Variants in CAMTA1 observed in about 807,000 individuals in gnomAD.
CAMTA1 encodes the protein calmodulin binding transcription activator 1, also known as calmodulin-binding transcription activator 1.
A neutral mutation model predicts 170.9 loss-of-function variants in CAMTA1; 27 were observed. The ratio of observed to expected loss-of-function variants is 0.16; its 90% CI spans 0.12 to 0.22. The LOEUF (loss-of-function observed/expected upper bound fraction) is 0.22, where lower values mean the gene tolerates loss of function less well. Among genes scored for constraint, CAMTA1 ranks in the 10% least tolerant of loss-of-function variants. CAMTA1 has a pLI of 1.00. For missense variants in CAMTA1, 1,619 were observed against 2,217.2 expected (o/e 0.73, Z 5.42); for synonymous variants, 833 against 891.5 (o/e 0.93, Z 1.17).
chr1:7,539,753 G>A (rs930317805), intron 6 of CAMTA1, among the ~76,000 whole-genome samples: 3 of 152,242 alleles, frequency 2.0e-5, no homozygotes, highest in Non-Finnish European at 4.4e-5. Flanking sequence ...GGAATGATGA[G>A]GGCAGACATA....
chr1:6,816,544 G>A (rs1645837412), intron 1 of CAMTA1, among the ~76,000 whole-genome samples: 1 of 152,232 alleles, frequency 6.6e-6, no homozygotes, highest in African/African-American at 2.4e-5. Context: ...TGAAGGGTGA[G>A]GGGTCTGAGT....
At chr1:6,917,685 G>A (rs183631072) in intron 3 of CAMTA1, among the ~76,000 whole-genome samples, 1 of 152,080 alleles carries the variant, frequency 6.6e-6, no homozygotes. Context: ...GTGCGGCTTT[G>A]CAGTAGGATT....
intron 3 of CAMTA1, among the ~76,000 whole-genome samples, chr1:6,979,740 G>A (rs970932599): frequency 5.3e-5 from 8 of 152,170 alleles, no homozygotes; most frequent in South Asian, 2.1e-4. Context: ...TGGTGGTGGT[G>A]TAGCTGGGGG....
chr1:7,597,525 T>C (rs1202092231), intron 6 of CAMTA1, among the ~76,000 whole-genome samples: 2 of 152,160 alleles, frequency 1.3e-5, no homozygotes, highest in Admixed American at 6.5e-5. Flanking sequence ...GGGTGGGAAC[T>C]GTATTAGTCA....
In CAMTA1 at chr1:7,748,314, C is replaced by T. The variant is rs192139062; in HGVS notation, c.4689+533C>T. Among the ~76,000 whole-genome samples, 1 of 152,268 alleles carries T rather than the reference C, an allele frequency of 6.6e-6. No homozygotes were observed. The highest frequency in any genetic ancestry group is 1.5e-5 in the Non-Finnish European group (1 of 68,012). ...ACATGATGGCGTGTGCCTGTAATCC[C>T]AGCTCCTCAAGAGGCTGAGGCCGGA... On this transcript the variant is annotated intron_variant, in intron 19 of 22. Transcript: ENST00000303635. The surrounding 1 kb of genome is among the most constrained non-coding windows in gnomAD (Gnocchi z 4.7).
chr1:7,362,572 G>A (rs939259578), intron 5 of CAMTA1, among the ~76,000 whole-genome samples: 1 of 152,090 alleles, frequency 6.6e-6, no homozygotes, highest in Non-Finnish European at 1.5e-5. Context: ...GACTTGGGTA[G>A]TGGTGGTGGC....
At chr1:7,391,490 C>G (rs184080880) in intron 5 of CAMTA1, among the ~76,000 whole-genome samples, 1 of 152,258 alleles carries the variant, frequency 6.6e-6, no homozygotes, top group East Asian at 1.9e-4. Context: ...TGGTGTCCCG[C>G]ACTTCTGGAG....
intron 6 of CAMTA1, among the ~76,000 whole-genome samples, chr1:7,497,911 C>T (rs2093856876): frequency 6.6e-6 from 1 of 152,176 alleles, no homozygotes; most frequent in African/African-American, 2.4e-5. Flanking sequence ...CCACCCACAA[C>T]CCAGGCAGGA....
At chr1:7,543,433 A>G (rs762635860) in intron 6 of CAMTA1, among the ~76,000 whole-genome samples, 4 of 152,196 alleles carry the variant, frequency 2.6e-5, no homozygotes, top group African/African-American at 7.2e-5. Context: ...GACATGAAAT[A>G]TCTCGCTTTT....
chr1:7,681,591 A>G lies in CAMTA1; in HGVS notation c.2914+3858A>G, dbSNP rs1374153138. ...AGGCCAGCTCTTCATACAAAGATGC[A>G]AGGGGGACCTCTTCCAGGCTAGAGG... On this transcript the variant is annotated intron_variant, in intron 11 of 22. Coordinates refer to ENST00000303635, the MANE Select transcript of CAMTA1 (RefSeq NM_015215.4). The surrounding 1 kb of genome is among the most constrained non-coding windows in gnomAD (Gnocchi z 4.6). Among the ~76,000 whole-genome samples, 3 of 152,208 alleles carry G rather than the reference A, an allele frequency of 2.0e-5. No individual in the cohort carries two copies. In the East Asian group the frequency reaches 5.8e-4, roughly 29 times the overall value.
rs530840982 is a variant in CAMTA1, at chr1:7,519,525, G to GT, written c.510+51626dup. ...CAGGCTTTGTGGTTCTTCCTCCAGTGTTCCTCAGCCAGGGACCTTCCTTGG... is the reference window on the plus strand; with the variant it reads ...CAGGCTTTGTGGTTCTTCCTCCAGTGTTTCCTCAGCCAGGGACCTTCCTTGG... On this transcript the variant is annotated intron_variant, in intron 6 of 22. Coordinates refer to ENST00000303635, the MANE Select transcript of CAMTA1 (RefSeq NM_015215.4). Among the ~76,000 whole-genome samples, 88 of 152,000 alleles carry GT rather than the reference G, an allele frequency of 5.8e-4. 2 individuals carry two copies. The South Asian group carries it at 0.018, about 31-fold the overall frequency.
intron 11 of CAMTA1, among the ~76,000 whole-genome samples, chr1:7,726,847 G>A (rs1005044500): frequency 6.6e-6 from 1 of 152,202 alleles, no homozygotes; most frequent in African/African-American, 2.4e-5. Context: ...CTTTCTTTGC[G>A]GGGACCTCTG....
At chr1:7,368,646 T>C (rs72865621) in intron 5 of CAMTA1, among the ~76,000 whole-genome samples, 1 of 152,174 alleles carries the variant, frequency 6.6e-6, no homozygotes, top group Admixed American at 6.5e-5. Context: ...CCTCATCACT[T>C]GGACTGCCTT....
At chr1:7,486,355 C>T (rs547841484) in intron 6 of CAMTA1, among the ~76,000 whole-genome samples, 8 of 152,192 alleles carry the variant, frequency 5.3e-5, no homozygotes, top group Non-Finnish European at 1.2e-4. Flanking sequence ...AAAAATGTAC[C>T]AGGCTGCTTT....
chr1:6,837,765 T>C (rs1653870918), intron 3 of CAMTA1, among the ~76,000 whole-genome samples: 1 of 152,214 alleles, frequency 6.6e-6, no homozygotes, highest in African/African-American at 2.4e-5. Flanking sequence ...TTTTGTTAAA[T>C]GCTTTAATTA....
intron 3 of CAMTA1, among the ~76,000 whole-genome samples, chr1:7,074,469 T>C (rs1448509136): frequency 6.6e-6 from 1 of 152,210 alleles, no homozygotes; most frequent in Non-Finnish European, 1.5e-5. Flanking sequence ...CCTACCCAAA[T>C]CCAACTGCTG....
intron 1 of CAMTA1, among the ~76,000 whole-genome samples, chr1:6,798,846 T>A (rs1643236643): frequency 6.6e-6 from 1 of 151,996 alleles, no homozygotes; most frequent in Admixed American, 6.6e-5. Flanking sequence ...TCCGTCCGCC[T>A]CTGCCTCCCA....
intron 6 of CAMTA1, among the ~76,000 whole-genome samples, chr1:7,473,941 G>A (rs1448216977): frequency 1.3e-5 from 2 of 152,262 alleles, no homozygotes; most frequent in African/African-American, 2.4e-5. Context: ...GCACCAAAGC[G>A]TGCTGCTGTG....
chr1:7,653,962 C>A (rs755023453), intron 7 of CAMTA1, among the ~76,000 whole-genome samples: 5 of 152,186 alleles, frequency 3.3e-5, no homozygotes, highest in Non-Finnish European at 7.3e-5. Flanking sequence ...CCCACGAGGG[C>A]CCCTTAGGAC....
Sources: gnomAD v4.1 joint callset for allele counts (sites outside exome capture counted in the v4.1 genomes callset) on GRCh38, gnomAD v4.1.1 for gene constraint, Gnocchi (gnomAD v3.1) non-coding constraint, MANE v1.5 for transcripts, NCBI Gene and HGNC (gene_info 2026-07-23, HGNC 2026-07-21) for gene names.